The following DDX51 variants were observed in gnomAD, a reference collection of about 807,000 sequenced individuals.
The protein encoded by DDX51 is DEAD-box helicase 51.
Under a neutral mutation model 74.6 loss-of-function variants are expected in DDX51, and 67 were observed. The observed-to-expected ratio is 0.90, with a 90% CI of 0.74 to 1.10. DDX51 has a LOEUF of 1.10. DDX51 is among the 50% of genes least tolerant of loss of function. The pLI is 0.00. For missense variants in DDX51, 1,056 were observed against 905.2 expected, an observed-to-expected ratio of 1.17 and a Z score of -2.14; for synonymous variants, 545 against 402.9, an observed-to-expected ratio of 1.35 and a Z score of -4.22.
At chr12:132,143,049 G>C (rs1230183299) in intron 2 of DDX51, 171 bp from the exon 3 acceptor site, 1 of 810,138 alleles carries the variant, frequency 1.2e-6, no homozygotes, top group Non-Finnish European at 1.9e-6. Context: ...AACAGTAAAA[G>C]CAGATGCCAC....
Position 132,137,308 on chromosome 12 carries a change from G to A in DDX51, c.*1964C>T, listed in dbSNP as rs117197849. On this transcript the variant is annotated 3_prime_UTR_variant, in exon 15 of 15. Coordinates refer to ENST00000397333, the MANE Select transcript of DDX51 (RefSeq NM_175066.4). Reference sequence around the variant, plus strand: ...AGACACCCCCCGCACTCCTGTGCCCGAGCTGTCTCATCTGTGATTCACAGT... The same window carrying A: ...AGACACCCCCCGCACTCCTGTGCCCAAGCTGTCTCATCTGTGATTCACAGT... 3 of 152,222 alleles carry A rather than the reference G, an allele frequency of 2.0e-5. No homozygotes were observed. The highest frequency in any genetic ancestry group is 2.1e-4 in the South Asian group (1 of 4,826). The allele number at this position is 152,222 out of a possible 1,614,324, so 9.4% of individuals were successfully genotyped here. A position where few individuals can be genotyped will look rare whatever the true frequency, so the allele number is the denominator to read the frequency against.
chr12:132,143,031 A>C, intron 2 of DDX51, 153 bp from the exon 3 acceptor site: 1 of 1,001,880 alleles, frequency 1.0e-6, no homozygotes, highest in South Asian at 1.5e-5. Context: ...TACAGCCTTC[A>C]GAAGTTAAAC....
rs1004202290 is a variant in DDX51, at chr12:132,138,479, GTTGT to G, written c.*789_*792del. The G allele has an allele frequency of 9.8e-5, 12 of 122,880 alleles. No individual in the cohort carries two copies. Among genetic ancestry groups the G allele is most frequent in the African/African-American group, 3.1e-4 (7 of 22,436 alleles). 7.6% of individuals were successfully genotyped at this position (122,880 alleles called of 1,614,324 possible). On this transcript the variant is annotated 3_prime_UTR_variant, in exon 15 of 15. Transcript: ENST00000397333. The stretch of plus-strand genomic sequence containing the variant: ...AGGTGCCCGCCACCACGCCCGGCTA[GTTGT>G]TTTTTTTTTTTTTTTGTATTTTTAG...
intron 14 of DDX51, 77 bp from the exon 15 acceptor site, chr12:132,139,375 G>A (rs533628173): frequency 3.5e-4 from 543 of 1,570,752 alleles, no homozygotes; most frequent in Non-Finnish European, 4.4e-4. Context: ...CTCTGCCCCT[G>A]GAACCCTGAG....
chr12:132,141,100 C>T, intron 8 of DDX51, 80 bp from the exon 9 acceptor site: 1 of 1,519,192 alleles, frequency 6.6e-7, no homozygotes, highest in African/African-American at 1.4e-5. Flanking sequence ...TCATGCTACG[C>T]ACTGTAGAGA....
intron 8 of DDX51, 24 bp downstream of exon 8, chr12:132,141,251 G>A (rs1438847674): frequency 1.9e-6 from 3 of 1,575,922 alleles, no homozygotes; most frequent in South Asian, 1.1e-5. Context: ...GGGGAGGCCA[G>A]CACCTGGGCG....
Position 132,143,707 on chromosome 12 carries a change from C to T in DDX51, c.507G>A (p.Arg169=), listed in dbSNP as rs1479903248. The T allele has an allele frequency of 1.3e-6, 2 of 1,540,606 alleles. No individual in the cohort carries two copies. The highest frequency in any genetic ancestry group is 2.5e-5 in the East Asian group (1 of 39,924). ...PGLVLGGFGK[R]KAPKVQPFLP... ...CGCCGAGGCTCACCTTCGGCGCCTT[C>T]CTCTTCCCGAACCCCCCCAGCACCA... Residue 169 remains arginine (R), a synonymous_variant, in exon 2 of 15, where the codon AGG becomes AGA. Transcript: ENST00000397333.
chr12:132,141,316 G>C lies in DDX51; in HGVS notation c.1209C>G (p.Ala403=). Residue 403 remains alanine, a synonymous_variant, in exon 8 of 15, where the codon GCC becomes GCG. Transcript: ENST00000397333. ...CCTGGGCCTGCCTTCGCTGGAGCAG[G>C]GCACAGGGGTCCGCGGGGTCCTCGC... is the stretch of plus-strand genomic sequence containing the variant. ...FQSEDPADPC[A]LLQRRQAQAV... The C allele has an allele frequency of 1.9e-6, 3 of 1,598,828 alleles. No homozygotes were observed. The highest frequency in any genetic ancestry group is 2.5e-6 in the Non-Finnish European group (3 of 1,179,554).
At position 132,138,032 on chromosome 12, in the gene DDX51, G is replaced by C. The variant is rs1257140867; in HGVS notation, c.*1240C>G. 2.0e-5 allele frequency: 3 copies of C among 152,240 alleles called. No homozygotes were observed. Among genetic ancestry groups the C allele is most frequent in the African/African-American group, 7.2e-5 (3 of 41,424 alleles). 9.4% of individuals were successfully genotyped at this position (152,240 alleles called of 1,614,324 possible). ...GTGCCTCACTCCTTTTTCTCTCCTGGTGTGGATTTCCCACGTTTTATTCTC... is the reference window on the plus strand; with the variant it reads ...GTGCCTCACTCCTTTTTCTCTCCTGCTGTGGATTTCCCACGTTTTATTCTC... On this transcript the variant is annotated 3_prime_UTR_variant, in exon 15 of 15. Transcript: ENST00000397333.
rs372502316 is a variant in DDX51, at chr12:132,142,428, T to A, written c.671-6A>T. 11 of 1,610,950 alleles carry A rather than the reference T, an allele frequency of 6.8e-6. No homozygotes were observed. In the African/African-American group the frequency reaches 1.1e-4, roughly 16 times the overall value. ...AGGAATCACAGCTGCCTGGACTGGA[T>A]GAGGAAAGGCGAGAGAGAAGTCGTG... On this transcript the variant is annotated splice_region_variant and splice_polypyrimidine_tract_variant and intron_variant, in intron 3 of 14. Transcript: ENST00000397333.
Position 132,139,295 on chromosome 12 carries a change from C to G in DDX51, c.1978G>C (p.Glu660Gln). The G allele has an allele frequency of 1.9e-6, 3 of 1,608,910 alleles. No individual in the cohort carries two copies. The highest frequency in any genetic ancestry group is 2.5e-6 in the Non-Finnish European group (3 of 1,178,630). The change falls in exon 15 of 15, where the codon GAG becomes CAG. Residue 660 changes from glutamate to glutamine, a missense_variant. Glu to Gln is a conservative substitution (Grantham distance 29). Transcript: ENST00000397333. ...GCCTAGGCCGCCCTCTGCTTGCGCTCTTCCTGTGGAGGAAAGGGGAGGGCT... is the reference window on the plus strand; with the variant it reads ...GCCTAGGCCGCCCTCTGCTTGCGCTGTTCCTGTGGAGGAAAGGGGAGGGCT... ...LSQLEESVKE[E>Q]RKQRAA is the part of the protein sequence containing the mutation.
At chr12:132,141,200 G>A in intron 8 of DDX51, 75 bp downstream of exon 8, 8 of 1,515,370 alleles carry the variant, frequency 5.3e-6, no homozygotes, top group South Asian at 1.3e-5. Context: ...CTTATCTCTG[G>A]GCATTAAGGA....
At chr12:132,139,361 C>T (rs1897360934) in intron 14 of DDX51, 63 bp from the exon 15 acceptor site, 12 of 1,584,068 alleles carry the variant, frequency 7.6e-6, no homozygotes, top group South Asian at 3.4e-5. Context: ...TGTGGGGCCC[C>T]GGGCTCTGCC....
At chr12:132,140,301 G>A in intron 11 of DDX51, 102 bp from the exon 12 acceptor site, 1 of 1,555,158 alleles carries the variant, frequency 6.4e-7, no homozygotes, top group Non-Finnish European at 8.8e-7. Flanking sequence ...GGAACTGGCT[G>A]CCATGGGGCT....
Position 132,142,184 on chromosome 12 carries a change from G to A in DDX51, c.823C>T (p.Leu275Phe), listed in dbSNP as rs781631617. 1.3e-6 allele frequency: 2 copies of A among 1,562,380 alleles called. No homozygotes were observed. Among genetic ancestry groups the A allele is most frequent in the Non-Finnish European group, 1.7e-6 (2 of 1,153,096 alleles). The change falls in exon 5 of 15, where the codon CTT (leucine) becomes TTT (phenylalanine). Residue 275 changes from leucine to phenylalanine, a missense_variant. Leu to Phe is a conservative substitution (Grantham distance 22). Coordinates refer to ENST00000397333, the MANE Select transcript of DDX51 (RefSeq NM_175066.4). ...AFVIPVVQAL[L>F]SRVVCHIRAL... ...CGGATGTGGCAGACCACTCTCGAAAGCAGGGCCTGAGGGGGAAGGAGCGCC... is the reference window on the plus strand; with the variant it reads ...CGGATGTGGCAGACCACTCTCGAAAACAGGGCCTGAGGGGGAAGGAGCGCC...
chr12:132,139,275 G>A lies in DDX51; in HGVS notation c.1998C>T (p.Ala666=), dbSNP rs1897357634. ...SVKEERKQRA[A] Reference sequence around the variant, plus strand: ...CTCCGGCCCTCTGAGCCCCAGCCTAGGCCGCCCTCTGCTTGCGCTCTTCCT... The same window carrying A: ...CTCCGGCCCTCTGAGCCCCAGCCTAAGCCGCCCTCTGCTTGCGCTCTTCCT... The change falls in exon 15 of 15, where the codon GCC becomes GCT. Residue 666 remains alanine, a synonymous_variant. Transcript: ENST00000397333. 6.2e-7 allele frequency: 1 copy of A among 1,608,636 alleles called. No individual in the cohort carries two copies. Among genetic ancestry groups the A allele is most frequent in the African/African-American group, 1.3e-5 (1 of 74,988 alleles).
rs1444390498 is a variant in DDX51, at chr12:132,140,474, G to C, written c.1622C>G (p.Pro541Arg). ...DVAEFSSRYG[P>R]GQRRMILKQF... is the part of the protein sequence containing the mutation. ...CTTCAGGATCATCCTCCTCTGGCCAGGCCCGTAGCGCGAGGAGAACTCAGC... is the reference window on the plus strand; with the variant it reads ...CTTCAGGATCATCCTCCTCTGGCCACGCCCGTAGCGCGAGGAGAACTCAGC... The change falls in exon 11 of 15, where the codon CCT becomes CGT. Residue 541 changes from proline (P) to arginine (R), a missense_variant. Transcript: ENST00000397333. 1 of 1,613,220 alleles carries C rather than the reference G, an allele frequency of 6.2e-7. No homozygotes were observed.
intron 14 of DDX51, 135 bp from the exon 15 acceptor site, chr12:132,139,433 A>G: frequency 1.3e-6 from 2 of 1,520,880 alleles, no homozygotes; most frequent in South Asian, 2.3e-5. Context: ...CCCCGCTGAC[A>G]GCCCTCCCTG....
intron 2 of DDX51, 130 bp from the exon 3 acceptor site, chr12:132,143,008 G>T: frequency 8.0e-7 from 1 of 1,251,610 alleles, no homozygotes. Context: ...TCAGCCCCAG[G>T]ATGCGCTTTC....
Sources: allele counts gnomAD v4.1 joint callset, GRCh38; gene constraint gnomAD v4.1.1; transcripts MANE v1.5; gene names NCBI Gene and HGNC (gene_info 2026-07-23, HGNC 2026-07-21).